The following DHCR7 variants were observed in gnomAD, a reference collection of about 807,000 sequenced individuals.
DHCR7 encodes the protein 7-dehydrocholesterol reductase, also known as 7-DHC reductase.
Under a neutral mutation model 43.3 loss-of-function variants are expected in DHCR7, and 40 were observed. The observed-to-expected ratio is 0.92, with a 90% CI of 0.72 to 1.20. The LOEUF (loss-of-function observed/expected upper bound fraction) is 1.20. Ranked by LOEUF, DHCR7 falls within the 50% of genes most tolerant of loss-of-function variation. DHCR7 has a pLI of 0.00. For synonymous variants in DHCR7, 298 were observed against 271.4 expected (o/e 1.10, Z -0.96); for missense variants, 608 against 644.6 (o/e 0.94, Z 0.62).
Position 71,434,863 on chromosome 11 carries a change from C to A in DHCR7, c.*512G>T. ...TCCCAGTTCAACACCGTGCACGCTA[C>A]CAAGGAGAAACGGCGCACGGGCCCC... On this transcript the variant is annotated 3_prime_UTR_variant, in exon 9 of 9. Transcript: ENST00000355527. 2.8e-6 allele frequency: 1 copy of A among 352,454 alleles called. No individual in the cohort carries two copies. Among genetic ancestry groups the A allele is most frequent in the South Asian group, 2.1e-5 (1 of 47,102 alleles). 21.8% of individuals were successfully genotyped at this position (352,454 alleles called of 1,614,324 possible). A position where few individuals can be genotyped will look rare whatever the true frequency, so the allele number is the denominator to read the frequency against.
At chr11:71,433,381 A>C (rs574615332), downstream of DHCR7, among the ~76,000 whole-genome samples, 1 of 152,348 alleles carries the variant, frequency 6.6e-6, no homozygotes, top group Non-Finnish European at 1.5e-5. Flanking sequence ...ACAGCCTTGC[A>C]CCTGCAGAAC....
At chr11:71,433,202 A>G (rs1949239434), downstream of DHCR7, among the ~76,000 whole-genome samples, 1 of 152,240 alleles carries the variant, frequency 6.6e-6, no homozygotes, top group Non-Finnish European at 1.5e-5. Flanking sequence ...CCCAGGGATC[A>G]GGCACTGTGG....
intron 8 of DHCR7, among the ~76,000 whole-genome samples, chr11:71,436,312 G>C (rs1315549964): frequency 6.6e-6 from 1 of 152,124 alleles, no homozygotes; most frequent in African/African-American, 2.4e-5. Flanking sequence ...CATCCAATCA[G>C]TTGACAGCTT....
chr11:71,443,933 CCAG>C (rs773147951), intron 4 of DHCR7, 57 bp downstream of exon 4: 1 of 1,375,742 alleles, frequency 7.3e-7, no homozygotes, highest in Non-Finnish European at 1.0e-6. Flanking sequence ...AAGGACTACC[CCAG>C]CAGGAGGGCA....
Position 71,444,002 on chromosome 11 carries a change from G to T in DHCR7, c.312C>A (p.Val104=). Residue 104 remains valine (V), a synonymous_variant, in exon 4 of 9, where the codon GTC becomes GTA. Transcript: ENST00000355527. The part of the protein sequence containing the change: ...RKAAQLYTLW[V]TFQVLLYTSL... ...GGCAGGGGCTGCTGACCTGGAAGGT[G>T]ACCCACAAGGTATAGAGCTGGGCGG... 1 of 1,611,300 alleles carries T rather than the reference G, an allele frequency of 6.2e-7. No homozygotes were observed.
At chr11:71,428,925 C>G (rs1214236060) in intron 2 of DHCR7, 3 of 451,914 alleles carry the variant, frequency 6.6e-6, no homozygotes, top group Admixed American at 2.4e-5. Context: ...AAAATAATAA[C>G]CATGTAATTC....
intron 2 of DHCR7, chr11:71,428,986 G>C (rs1163619398): frequency 2.7e-6 from 1 of 375,938 alleles, no homozygotes; most frequent in African/African-American, 2.1e-5. Flanking sequence ...CCTTCCAAGT[G>C]TGCTCAGGGG....
intron 8 of DHCR7, among the ~76,000 whole-genome samples, chr11:71,437,259 C>G (rs1244513447): frequency 6.6e-6 from 1 of 152,208 alleles, no homozygotes; most frequent in Non-Finnish European, 1.5e-5. Context: ...CCCCACCGTT[C>G]TGCTAAGCAA....
Position 71,438,932 on chromosome 11 carries a change from G to C in DHCR7, c.778C>G (p.Arg260Gly), listed in dbSNP as rs777617141. ...TTGGTCACATGGCTGTGGAGCTCCCGCTGCTTCGCTGCGAAGGACAGGTTG... is the reference window on the plus strand; with the variant it reads ...TTGGTCACATGGCTGTGGAGCTCCCCCTGCTTCGCTGCGAAGGACAGGTTG... ...LINLSFAAKQ[R>G]ELHSHVTNAM... The change falls in exon 7 of 9, where the codon CGG (arginine) becomes GGG (glycine). Residue 260 changes from arginine (R) to glycine (G), a missense_variant. By Grantham distance (125) the Arg-to-Gly change is moderately radical (BLOSUM62 -2). Coordinates refer to ENST00000355527, the MANE Select transcript of DHCR7 (RefSeq NM_001360.3). The C allele has an allele frequency of 3.7e-5, 59 of 1,613,876 alleles. No individual in the cohort carries two copies. The highest frequency in any genetic ancestry group is 4.9e-5 in the Non-Finnish European group (58 of 1,180,058).
rs772639348 is a variant in DHCR7 at position 71,438,944 on chromosome 11, C to T, written c.766G>A (p.Ala256Thr). Residue 256 changes from alanine to threonine, a missense_variant, in exon 7 of 9, where the codon GCA (alanine) becomes ACA (threonine). Coordinates refer to ENST00000355527, the MANE Select transcript of DHCR7 (RefSeq NM_001360.3). ...VAWTLINLSF[A>T]AKQRELHSHV... ...CTGTGGAGCTCCCGCTGCTTCGCTG[C>T]GAAGGACAGGTTGATGAGGGTCCAG... 3.3e-5 allele frequency: 53 copies of T among 1,613,912 alleles called. No individual in the cohort carries two copies. Among genetic ancestry groups the T allele is most frequent in the South Asian group, 8.8e-5 (8 of 91,088 alleles).
At position 71,444,928 on chromosome 11, in the gene DHCR7, T is replaced by C. The variant is rs115595829; in HGVS notation, c.25A>G (p.Ile9Val). Residue 9 changes from isoleucine to valine, a missense_variant, in exon 3 of 9, where the codon ATT (isoleucine) becomes GTT (valine). Transcript: ENST00000355527. MAAKSQPN[I>V]PKAKSLDGVT... ...CCATCTAGACTCTTGGCTTTGGGAA[T>C]GTTGGGTTGCGATTTTGCAGCCATT... The C allele has an allele frequency of 1.9e-6, 3 of 1,614,198 alleles. No individual in the cohort carries two copies. Among genetic ancestry groups the C allele is most frequent in the Non-Finnish European group, 2.5e-6 (3 of 1,180,044 alleles).
rs1949256724 is a variant in DHCR7, at chr11:71,435,099, A to C, written c.*276T>G. 1.6e-6 allele frequency: 1 copy of C among 642,186 alleles called. No homozygotes were observed. 39.8% of individuals were successfully genotyped at this position (642,186 alleles called of 1,614,324 possible). ...TAAATTGTCTCCAAAGGACTAGTAA[A>C]GGTGACTGGGTCATCCTCCTGCCCC... is the stretch of plus-strand genomic sequence containing the variant. On this transcript the variant is annotated 3_prime_UTR_variant, in exon 9 of 9. Transcript: ENST00000355527.
In DHCR7 at chr11:71,434,942, C is replaced by T; in HGVS notation, c.*433G>A. On this transcript the variant is annotated 3_prime_UTR_variant, in exon 9 of 9. Coordinates refer to ENST00000355527, the MANE Select transcript of DHCR7 (RefSeq NM_001360.3). ...GGGGATCTAGAGCTGAAAGGCAATA[C>T]ATGGATAACGCGCACGCCCCACTCC... 2.7e-6 allele frequency: 1 copy of T among 372,272 alleles called. No individual in the cohort carries two copies. The allele number at this position is 372,272 out of a possible 1,614,324, so 23.1% of individuals were successfully genotyped here.
chr11:71,447,073 G>T (rs749258169), intron 2 of DHCR7, among the ~76,000 whole-genome samples: 3 of 152,222 alleles, frequency 2.0e-5, no homozygotes, highest in Admixed American at 6.5e-5. Context: ...CACTCCCTCC[G>T]ATCCCTAGTT....
chr11:71,430,278 G>A (rs553657591), downstream of DHCR7, among the ~76,000 whole-genome samples: 18 of 152,302 alleles, frequency 1.2e-4, no homozygotes, highest in Admixed American at 7.8e-4. Flanking sequence ...CAGCAGGGGC[G>A]CCCCGTCTAC....
In DHCR7 at chr11:71,444,206, G is replaced by A; in HGVS notation, c.108C>T (p.Asp36=). 3.1e-6 allele frequency: 5 copies of A among 1,589,964 alleles called. No homozygotes were observed. Among genetic ancestry groups the A allele is most frequent in the Non-Finnish European group, 4.3e-6 (5 of 1,167,260 alleles). Residue 36 remains aspartate (D), a synonymous_variant, in exon 4 of 9, where the codon GAC becomes GAT. Transcript: ENST00000355527. ...QGQWGRAWEV[D]WFSLASVIFL... is the part of the protein sequence containing the mutation. ...AGATGACGCTCGCCAGTGAAAACCAGTCCACCTCCCTGCGAGGACGGATGC... is the reference window on the plus strand; with the variant it reads ...AGATGACGCTCGCCAGTGAAAACCAATCCACCTCCCTGCGAGGACGGATGC...
Position 71,435,237 on chromosome 11 carries a change from C to T in DHCR7, c.*138G>A. ...CAGAGCGTGATTAGGTACTGGACAC[C>T]TGCCAAGTGCTGGGCTCTCTCCAGT... On this transcript the variant is annotated 3_prime_UTR_variant, in exon 9 of 9. Coordinates refer to ENST00000355527, the MANE Select transcript of DHCR7 (RefSeq NM_001360.3). 1.1e-6 allele frequency: 1 copy of T among 907,548 alleles called. No individual in the cohort carries two copies. Among genetic ancestry groups the T allele is most frequent in the Non-Finnish European group, 1.8e-6 (1 of 561,356 alleles). 56.2% of individuals were successfully genotyped at this position (907,548 alleles called of 1,614,324 possible). A position where few individuals can be genotyped will look rare whatever the true frequency, so the allele number is the denominator to read the frequency against.
chr11:71,444,750 T>C (rs1591114037), intron 3 of DHCR7, 105 bp downstream of exon 3: 1 of 1,034,232 alleles, frequency 9.7e-7, no homozygotes, highest in South Asian at 1.4e-5. Context: ...AAAAAATCTT[T>C]TTTAAAAAGG....
chr11:71,427,587 C>T (rs189895074), downstream of DHCR7, among the ~76,000 whole-genome samples: 4 of 152,190 alleles, frequency 2.6e-5, no homozygotes, highest in East Asian at 1.9e-4. Flanking sequence ...ATTGTGGGGA[C>T]GGTCAAGACC....
Sources: allele counts gnomAD v4.1 joint callset (sites outside exome capture counted in the v4.1 genomes callset), GRCh38; gene constraint gnomAD v4.1.1; transcripts MANE v1.5; gene names NCBI Gene and HGNC (gene_info 2026-07-23, HGNC 2026-07-21).